The following AUTS2 variants were observed in gnomAD, a reference collection of about 807,000 sequenced individuals.
AUTS2 encodes the protein activator of transcription and developmental regulator AUTS2, also known as autism susceptibility gene 2 protein.
In AUTS2, 17 loss-of-function variants were observed where a neutral mutation model predicts 112.4. The observed-to-expected ratio is 0.15, with a 90% confidence interval of 0.10 to 0.23. AUTS2 has a LOEUF of 0.23. AUTS2 is among the 10% of genes least tolerant of loss of function. The pLI is 1.00. For synonymous variants in AUTS2, 751 were observed against 702.7 expected (o/e 1.07, Z -1.09); for missense variants, 1,510 against 1,701.6 (o/e 0.89, Z 1.98).
At chr7:69,752,609 TA>T (rs1787787957) in intron 1 of AUTS2, among the ~76,000 whole-genome samples, 1 of 152,198 alleles carries the variant, frequency 6.6e-6, no homozygotes, top group Non-Finnish European at 1.5e-5. Flanking sequence ...ATTGTTGGGT[TA>T]AAAAATGAAC....
At chr7:70,762,728 T>A (rs1388427918) in intron 6 of AUTS2, 142 bp from the exon 7 acceptor site, 4 of 700,118 alleles carry the variant, frequency 5.7e-6, no homozygotes, top group Non-Finnish European at 1.0e-5. Context: ...CCGCAGGTGG[T>A]GGAGACAAGG....
intron 4 of AUTS2, chr7:70,194,533 G>A (rs1328202556): frequency 6.6e-6 from 1 of 152,222 alleles, no homozygotes; most frequent in Non-Finnish European, 1.5e-5. Flanking sequence ...TTGTCCAGGA[G>A]TATTGGCCAG....
intron 1 of AUTS2, among the ~76,000 whole-genome samples, chr7:69,803,675 G>T (rs573923991): frequency 1.3e-5 from 2 of 152,164 alleles, no homozygotes; most frequent in South Asian, 4.2e-4. Flanking sequence ...TCCCGGGGAG[G>T]CCTCTAACAG....
intron 5 of AUTS2, among the ~76,000 whole-genome samples, chr7:70,669,093 A>G (rs1315917753): frequency 3.9e-5 from 6 of 152,192 alleles, no homozygotes; most frequent in South Asian, 2.1e-4. Flanking sequence ...GTGCCCCTAC[A>G]TGACTTGAAA....
At chr7:70,663,712 C>T (rs1585464709) in intron 5 of AUTS2, among the ~76,000 whole-genome samples, 2 of 152,108 alleles carry the variant, frequency 1.3e-5, no homozygotes, top group African/African-American at 2.4e-5. Context: ...GCAGGGGTGG[C>T]CCGGAAATGG....
chr7:70,324,624 C>CA (rs1258660210), intron 4 of AUTS2, among the ~76,000 whole-genome samples: 2 of 151,796 alleles, frequency 1.3e-5, no homozygotes, highest in African/African-American at 2.4e-5. Context: ...GACCCTGTCT[C>CA]AAAAAAAATA....
At chr7:69,933,776 A>G (rs759864700) in intron 2 of AUTS2, among the ~76,000 whole-genome samples, 10 of 152,084 alleles carry the variant, frequency 6.6e-5, no homozygotes, top group Non-Finnish European at 1.5e-4. Flanking sequence ...AAATGTTGGG[A>G]TTACAGGTGT....
chr7:70,211,333 T>C (rs1302973122), intron 4 of AUTS2, among the ~76,000 whole-genome samples: 1 of 2,842 alleles, frequency 3.5e-4, no homozygotes, highest in African/African-American at 4.0e-4. Context: ...TTAAAAGAAT[T>C]TTTTTTTTTT....
chr7:70,215,548 G>C lies in AUTS2; in HGVS notation c.660+80977G>C, dbSNP rs1395188612. 2.0e-5 allele frequency among the ~76,000 whole-genome samples: 3 copies of C among 152,126 alleles called. No individual in the cohort carries two copies. The East Asian group carries it at 5.8e-4, about 29-fold the overall frequency. ...CTCCGGAGAATGTTTTGGAATGTTTGGCAGGGTGGTTGGAGAGACATACTA... is the reference window on the plus strand; with the variant it reads ...CTCCGGAGAATGTTTTGGAATGTTTCGCAGGGTGGTTGGAGAGACATACTA... On this transcript the variant is annotated intron_variant, in intron 4 of 18. Coordinates refer to ENST00000342771, the MANE Select transcript of AUTS2 (RefSeq NM_015570.4).
intron 9 of AUTS2, among the ~76,000 whole-genome samples, chr7:70,767,139 C>A (rs1342528227): frequency 6.6e-6 from 1 of 152,036 alleles, no homozygotes; most frequent in African/African-American, 2.4e-5. Flanking sequence ...TTTAATATTT[C>A]AGGAAATACT....
At chr7:70,063,596 G>T (rs1802356511) in intron 2 of AUTS2, among the ~76,000 whole-genome samples, 1 of 152,176 alleles carries the variant, frequency 6.6e-6, no homozygotes, top group South Asian at 2.1e-4. Context: ...AAAGTGTCGT[G>T]TAAGACAACA....
chr7:70,644,612 C>T (rs1187219954), intron 5 of AUTS2, among the ~76,000 whole-genome samples: 4 of 152,054 alleles, frequency 2.6e-5, no homozygotes, highest in Admixed American at 2.6e-4. Context: ...GCTATTCACC[C>T]CCACCCCTCC....
chr7:69,760,447 A>G (rs1392242624), intron 1 of AUTS2, among the ~76,000 whole-genome samples: 1 of 152,084 alleles, frequency 6.6e-6, no homozygotes, highest in Non-Finnish European at 1.5e-5. Flanking sequence ...CTCTTTATTT[A>G]CAGATCACTT....
At chr7:69,756,130 A>G (rs1344231512) in intron 1 of AUTS2, among the ~76,000 whole-genome samples, 1 of 152,216 alleles carries the variant, frequency 6.6e-6, no homozygotes, top group East Asian at 1.9e-4. Context: ...AACCCTGTGT[A>G]ATAGTCTAGT....
At chr7:70,221,535 TACTC>T (rs1382943708) in intron 4 of AUTS2, among the ~76,000 whole-genome samples, 8 of 152,196 alleles carry the variant, frequency 5.3e-5, no homozygotes, top group African/African-American at 1.9e-4. Flanking sequence ...GAGGAACCAC[TACTC>T]TAATTTTCTC....
chr7:69,965,972 G>A (rs927535077), intron 2 of AUTS2, among the ~76,000 whole-genome samples: 1 of 152,172 alleles, frequency 6.6e-6, no homozygotes, highest in Non-Finnish European at 1.5e-5. Context: ...TTACAGGGAA[G>A]TTTATAATAA....
chr7:69,803,562 C>T (rs1022187828), intron 1 of AUTS2, among the ~76,000 whole-genome samples: 3 of 151,170 alleles, frequency 2.0e-5, no homozygotes, highest in Non-Finnish European at 4.4e-5. Context: ...TTAACAGTTA[C>T]AGAAAATATA....
Position 70,790,582 on chromosome 7 carries a change from C to T in AUTS2, c.3366C>T (p.His1122=). The T allele has an allele frequency of 3.1e-6, 5 of 1,602,268 alleles. No individual in the cohort carries two copies. The highest frequency in any genetic ancestry group is 4.3e-6 in the Non-Finnish European group (5 of 1,175,222). The part of the protein sequence containing the change: ...ADRSFRDREP[H]DYSHHHHHHH... ...GCTCCTTCAGGGACCGGGAGCCTCACGACTACAGCCACCACCACCACCACC... is the reference window on the plus strand; with the variant it reads ...GCTCCTTCAGGGACCGGGAGCCTCATGACTACAGCCACCACCACCACCACC... The change falls in exon 19 of 19, where the codon CAC becomes CAT. Residue 1122 remains histidine, a synonymous_variant. Coordinates refer to ENST00000342771, the MANE Select transcript of AUTS2 (RefSeq NM_015570.4). This position sits in a 1 kb window ranked among gnomAD's most constrained non-coding sequence, Gnocchi z 7.6.
At chr7:70,588,684 G>A (rs1406802574) in intron 5 of AUTS2, among the ~76,000 whole-genome samples, 5 of 151,904 alleles carry the variant, frequency 3.3e-5, no homozygotes, top group Non-Finnish European at 7.4e-5. Flanking sequence ...TTTTTTTTAT[G>A]GGACTTGTAG....
Sources: gnomAD v4.1 joint callset for allele counts (sites outside exome capture counted in the v4.1 genomes callset) on GRCh38, gnomAD v4.1.1 for gene constraint, Gnocchi (gnomAD v3.1) non-coding constraint, MANE v1.5 for transcripts, NCBI Gene and HGNC (gene_info 2026-07-23, HGNC 2026-07-21) for gene names.